Variants in TLN2 observed in about 807,000 individuals in gnomAD.
TLN2 encodes the protein talin-2.
TLN2 carries 118 observed loss-of-function variants against 294.7 expected under a neutral mutation model. The ratio of observed to expected loss-of-function variants is 0.40; its 90% CI spans 0.34 to 0.47. TLN2 has a LOEUF of 0.47. TLN2 is among the 20% of genes least tolerant of loss of function. The pLI, the probability that TLN2 is intolerant of heterozygous loss-of-function variation, is 0.84. For synonymous variants in TLN2, 1,431 were observed against 1,304.5 expected, an observed-to-expected ratio of 1.10 and a Z score of -2.09; for missense variants, 3,083 against 3,282.2, an observed-to-expected ratio of 0.94 and a Z score of 1.48.
chr15:62,494,523 C>T (rs2038918722), intron 1 of TLN2, among the ~76,000 whole-genome samples: 1 of 152,032 alleles, frequency 6.6e-6, no homozygotes, highest in African/African-American at 2.4e-5. Flanking sequence ...GAAGTTCAGG[C>T]CCCAGAGGGG....
intron 21 of TLN2, among the ~76,000 whole-genome samples, chr15:62,709,543 A>C (rs2059287630): frequency 6.6e-6 from 1 of 152,170 alleles, no homozygotes; most frequent in South Asian, 2.1e-4. Context: ...TGTCTCCAGC[A>C]AAAGGGTGTT....
chr15:62,535,067 T>C (rs2041260321), intron 1 of TLN2, among the ~76,000 whole-genome samples: 1 of 152,182 alleles, frequency 6.6e-6, no homozygotes, highest in Non-Finnish European at 1.5e-5. Context: ...TTTTGGAAAC[T>C]TGAGTAGATT....
At chr15:62,511,780 C>T (rs963584549) in intron 1 of TLN2, among the ~76,000 whole-genome samples, 1 of 152,152 alleles carries the variant, frequency 6.6e-6, no homozygotes. Context: ...TATGTTTAAA[C>T]CATTCTTTTG....
At chr15:62,796,439 T>A in intron 47 of TLN2, 146 bp downstream of exon 47, 1 of 1,016,638 alleles carries the variant, frequency 9.8e-7, no homozygotes, top group Non-Finnish European at 1.4e-6. Flanking sequence ...GTGAACCATG[T>A]AATCAGAATA....
chr15:62,776,311 A>G (rs973685532), intron 42 of TLN2, among the ~76,000 whole-genome samples: 5 of 152,182 alleles, frequency 3.3e-5, no homozygotes, highest in African/African-American at 1.2e-4. Context: ...TATATTTCCC[A>G]TAGAGGTACC....
At chr15:62,643,469 T>C (rs2051415161) in intron 3 of TLN2, among the ~76,000 whole-genome samples, 2 of 150,478 alleles carry the variant, frequency 1.3e-5, no homozygotes, top group African/African-American at 5.0e-5. Flanking sequence ...GATGCTTTTT[T>C]GCAATAGTTG....
In TLN2 at chr15:62,732,957, G is replaced by A. The variant is rs957623400; in HGVS notation, c.3359-3921G>A. ...TATGCAGTGAGAGCATCATTAGGCAGCTAAATCTTTGGCTCTGAAACTCAG... is the reference window on the plus strand; with the variant it reads ...TATGCAGTGAGAGCATCATTAGGCAACTAAATCTTTGGCTCTGAAACTCAG... On this transcript the variant is annotated intron_variant, in intron 28 of 58. Transcript: ENST00000636159. Among the ~76,000 whole-genome samples the A allele has an allele frequency of 4.6e-5, 7 of 152,302 alleles. No individual in the cohort carries two copies. In the South Asian group the frequency reaches 1.5e-3, roughly 32 times the overall value.
chr15:62,437,742 A>G (rs2035353851), intron 1 of TLN2, among the ~76,000 whole-genome samples: 1 of 110,946 alleles, frequency 9.0e-6, no homozygotes, highest in Non-Finnish European at 2.1e-5. Context: ...CTTTCAAAAA[A>G]CACCATGGGG....
chr15:62,609,743 C>T (rs2047758479), intron 2 of TLN2, among the ~76,000 whole-genome samples: 2 of 152,162 alleles, frequency 1.3e-5, no homozygotes, highest in Admixed American at 1.3e-4. Context: ...CTGAGGTGGT[C>T]TTGGCTAGCT....
At chr15:62,593,249 G>A (rs1348775976) in intron 2 of TLN2, among the ~76,000 whole-genome samples, 1 of 152,148 alleles carries the variant, frequency 6.6e-6, no homozygotes, top group Admixed American at 6.5e-5. Flanking sequence ...TTTGGATTAT[G>A]CTTCTTGATG....
chr15:62,835,841 C>T, intron 56 of TLN2, 42 bp downstream of exon 56: 2 of 1,614,178 alleles, frequency 1.2e-6, no homozygotes, highest in South Asian at 2.2e-5. Context: ...TTTTGGGGTC[C>T]CCTGAGGGAG....
At chr15:62,502,987 C>T (rs1384999326) in intron 1 of TLN2, among the ~76,000 whole-genome samples, 1 of 152,156 alleles carries the variant, frequency 6.6e-6, no homozygotes, top group African/African-American at 2.4e-5. Context: ...CCGTTTGCTG[C>T]GTTTTCAAAT....
chr15:62,775,510 A>G (rs1004847071), intron 42 of TLN2, among the ~76,000 whole-genome samples: 4 of 152,214 alleles, frequency 2.6e-5, no homozygotes, highest in African/African-American at 7.2e-5. Flanking sequence ...AAGGATAACC[A>G]TCCATGATCA....
chr15:62,492,177 C>G lies in TLN2; in HGVS notation c.-237-97510C>G, dbSNP rs368757857. Among the ~76,000 whole-genome samples, 43 of 152,078 alleles carry G rather than the reference C, an allele frequency of 2.8e-4. No individual in the cohort carries two copies. The East Asian group carries it at 6.6e-3, about 23-fold the overall frequency. ...TAAAAGAAAATAAAAACTGGCCGGA[C>G]GCGGTGGCTCACGCCTGTAATCCCA... On this transcript the variant is annotated intron_variant, in intron 1 of 58. Transcript: ENST00000636159.
At chr15:62,454,221 T>A (rs745986421) in intron 1 of TLN2, among the ~76,000 whole-genome samples, 3 of 152,212 alleles carry the variant, frequency 2.0e-5, no homozygotes, top group Non-Finnish European at 2.9e-5. Context: ...GGATGTTTCT[T>A]TTCCACTGAT....
At chr15:62,715,336 A>AT (rs2059696986) in intron 22 of TLN2, among the ~76,000 whole-genome samples, 1 of 152,212 alleles carries the variant, frequency 6.6e-6, no homozygotes, top group Non-Finnish European at 1.5e-5. Context: ...TTGAGAGCAA[A>AT]TATTATTGCC....
At chr15:62,749,225 T>C (rs1207258563) in intron 33 of TLN2, among the ~76,000 whole-genome samples, 2 of 152,210 alleles carry the variant, frequency 1.3e-5, no homozygotes, top group Non-Finnish European at 2.9e-5. Flanking sequence ...AAGCATTTGA[T>C]TGAGGCCCTG....
chr15:62,811,014 A>T (rs995698013), intron 52 of TLN2, among the ~76,000 whole-genome samples: 1 of 152,186 alleles, frequency 6.6e-6, no homozygotes, highest in Non-Finnish European at 1.5e-5. Flanking sequence ...TTGATCTGAG[A>T]CCCAGAAAGC....
chr15:62,739,595 A>G (rs771279866), intron 31 of TLN2, 50 bp downstream of exon 31: 2 of 1,599,462 alleles, frequency 1.3e-6, no homozygotes, highest in African/African-American at 1.3e-5. Flanking sequence ...CTCCTCTCGG[A>G]TGGATAATCC....
Sources: allele counts gnomAD v4.1 joint callset (sites outside exome capture counted in the v4.1 genomes callset), GRCh38; gene constraint gnomAD v4.1.1; transcripts MANE v1.5; gene names NCBI Gene and HGNC (gene_info 2026-07-23, HGNC 2026-07-21).